Variants in KHDRBS2 observed in about 807,000 individuals in gnomAD.
The protein encoded by KHDRBS2 is KH RNA binding domain containing, signal transduction associated 2.
Under a neutral mutation model 44.3 loss-of-function variants are expected in KHDRBS2, and 26 were observed. The ratio of observed to expected loss-of-function variants is 0.59; its 90% CI spans 0.43 to 0.81. The LOEUF (loss-of-function observed/expected upper bound fraction) is 0.81, where lower values mean the gene tolerates loss of function less well. KHDRBS2 is among the 40% of genes least tolerant of loss of function. The probability of loss-of-function intolerance (pLI) is 0.00; values close to 1 mark genes in which losing one functional copy is unlikely to be tolerated. For synonymous variants in KHDRBS2, 194 were observed against 151.1 expected (o/e 1.28, Z -2.08); for missense variants, 476 against 433.1 (o/e 1.10, Z -0.88).
At chr6:61,598,051 G>T in the KHDRBS2 span, among the ~76,000 whole-genome samples, 1 of 150,488 alleles carries the variant, frequency 6.6e-6, no homozygotes, top group South Asian at 2.1e-4. Flanking sequence ...GGGAATGGGG[G>T]TGCTGGCTGT....
chr6:62,116,237 A>C (rs1806189510), intron 2 of KHDRBS2, among the ~76,000 whole-genome samples: 1 of 152,156 alleles, frequency 6.6e-6, no homozygotes, highest in South Asian at 2.1e-4. Flanking sequence ...CAATTTTGAA[A>C]TATAAAATAC....
intron 3 of KHDRBS2, among the ~76,000 whole-genome samples, chr6:62,027,467 T>A (rs1783578814): frequency 1.3e-5 from 2 of 152,096 alleles, no homozygotes; most frequent in African/African-American, 4.8e-5. Context: ...TATCTTTTGT[T>A]ATTCATAACA....
intron 8 of KHDRBS2, among the ~76,000 whole-genome samples, chr6:61,695,936 A>G (rs1266460933): frequency 1.3e-5 from 2 of 152,040 alleles, no homozygotes; most frequent in Non-Finnish European, 2.9e-5. Context: ...TCTCTTCCCC[A>G]CAGAGAGGAA....
chr6:62,099,136 A>T (rs1184154453), intron 2 of KHDRBS2, among the ~76,000 whole-genome samples: 1 of 152,156 alleles, frequency 6.6e-6, no homozygotes, highest in Non-Finnish European at 1.5e-5. Context: ...CTTTAGGGTC[A>T]GTATCCGGTA....
At position 62,090,122 on chromosome 6, in the gene KHDRBS2, A is replaced by G. The variant is rs563238335; in HGVS notation, c.220-42128T>C. Among the ~76,000 whole-genome samples, 3 of 152,350 alleles carry G rather than the reference A, an allele frequency of 2.0e-5. No homozygotes were observed. The South Asian group carries it at 6.2e-4, about 32-fold the overall frequency. The stretch of plus-strand genomic sequence containing the variant: ...GAGGTGAAGAAATGACAGTAGAACA[A>G]AGATAATAACAAAAACAACAGAAAC... On this transcript the variant is annotated intron_variant, in intron 2 of 8. Transcript: ENST00000281156.
intron 6 of KHDRBS2, among the ~76,000 whole-genome samples, chr6:61,761,964 A>T (rs1221130604): frequency 1.3e-5 from 2 of 152,196 alleles, no homozygotes; most frequent in African/African-American, 4.8e-5. Flanking sequence ...TATAAATCAA[A>T]ATATTATGTA....
intron 3 of KHDRBS2, among the ~76,000 whole-genome samples, chr6:62,008,164 T>C (rs1273498173): frequency 1.3e-5 from 2 of 152,172 alleles, no homozygotes; most frequent in Non-Finnish European, 2.9e-5. Context: ...AATGCTTGCA[T>C]TCAGGGTCAG....
the KHDRBS2 span, among the ~76,000 whole-genome samples, chr6:61,542,932 T>C: frequency 1.3e-5 from 2 of 152,024 alleles, no homozygotes; most frequent in Non-Finnish European, 2.9e-5. Context: ...AAGTATGCTA[T>C]AGAGCAGTTA....
rs151185228 is a variant in KHDRBS2 at position 62,175,717 on chromosome 6, T to C, written c.219+1468A>G. ...ATTGTTGGAGCATTTTCTTATACAT[T>C]ACAAAATAAAACTTCACACAAAAAT... On this transcript the variant is annotated intron_variant, in intron 2 of 8. Coordinates refer to ENST00000281156, the MANE Select transcript of KHDRBS2 (RefSeq NM_152688.4). 2.0e-3 allele frequency among the ~76,000 whole-genome samples: 297 copies of C among 151,700 alleles called. 1 individual carries two copies. The highest frequency in any genetic ancestry group is 6.7e-3 in the African/African-American group (279 of 41,526).
At chr6:62,251,103 T>C (rs973432943) in intron 1 of KHDRBS2, among the ~76,000 whole-genome samples, 15 of 152,046 alleles carry the variant, frequency 9.9e-5, no homozygotes, top group Admixed American at 8.5e-4. Flanking sequence ...TAATACACAC[T>C]GACCTACTTA....
chr6:61,883,733 T>C (rs989205473), intron 6 of KHDRBS2, among the ~76,000 whole-genome samples: 3 of 152,082 alleles, frequency 2.0e-5, no homozygotes, highest in African/African-American at 7.2e-5. Context: ...GTCCGTCCTA[T>C]AGTTTCACAA....
chr6:62,100,167 T>C (rs1013012236), intron 2 of KHDRBS2, among the ~76,000 whole-genome samples: 9 of 152,172 alleles, frequency 5.9e-5, no homozygotes, highest in African/African-American at 1.7e-4. Context: ...CAGTGGAGGA[T>C]GTAACTGTAG....
intron 1 of KHDRBS2, among the ~76,000 whole-genome samples, chr6:62,234,508 C>A (rs1249920623): frequency 2.6e-5 from 4 of 151,998 alleles, no homozygotes; most frequent in African/African-American, 7.3e-5. Context: ...CTTCATCATA[C>A]CTCAACTTGG....
At chr6:62,277,988 A>G (rs909202036) in intron 1 of KHDRBS2, among the ~76,000 whole-genome samples, 1 of 152,196 alleles carries the variant, frequency 6.6e-6, no homozygotes, top group African/African-American at 2.4e-5. Flanking sequence ...GCCATATAAT[A>G]TGGATATTTG....
At chr6:61,618,238 T>C in the KHDRBS2 span, among the ~76,000 whole-genome samples, 3 of 152,160 alleles carry the variant, frequency 2.0e-5, no homozygotes, top group African/African-American at 7.2e-5. Flanking sequence ...AAGCACTGTG[T>C]CTTTGGGAAA....
At chr6:61,726,719 A>G (rs71599948) in intron 7 of KHDRBS2, among the ~76,000 whole-genome samples, 1 of 152,074 alleles carries the variant, frequency 6.6e-6, no homozygotes, top group African/African-American at 2.4e-5. Context: ...TAGCAAGGGA[A>G]GTGACGGATC....
intron 6 of KHDRBS2, among the ~76,000 whole-genome samples, chr6:61,749,171 CCCGGCTAATTTTTTTGTATT>C (rs1268493029): frequency 1.3e-5 from 2 of 151,756 alleles, no homozygotes; most frequent in Non-Finnish European, 2.9e-5. Flanking sequence ...CGCCACCATG[CCCGGCTAATTTTTTTGTATT>C]TTTAGTAGAG....
chr6:62,123,258 ATGG>A (rs1176090438), intron 2 of KHDRBS2, among the ~76,000 whole-genome samples: 2 of 152,140 alleles, frequency 1.3e-5, no homozygotes, highest in Non-Finnish European at 2.9e-5. Context: ...ATAGTATTCC[ATGG>A]TGTATATGTG....
chr6:61,939,815 C>A (rs1188337052), intron 4 of KHDRBS2, among the ~76,000 whole-genome samples: 3 of 152,122 alleles, frequency 2.0e-5, no homozygotes, highest in Non-Finnish European at 4.4e-5. Context: ...AAGACAAAAG[C>A]GGTTGAAGGC....
Sources: gnomAD v4.1 joint callset for allele counts (sites outside exome capture counted in the v4.1 genomes callset) on GRCh38, gnomAD v4.1.1 for gene constraint, MANE v1.5 for transcripts, NCBI Gene and HGNC (gene_info 2026-07-23, HGNC 2026-07-21) for gene names.